The following FANCG variants were observed in gnomAD, a reference collection of about 807,000 sequenced individuals.
FANCG encodes the protein FA complementation group G, also known as Fanconi anemia group G protein.
FANCG carries 67 observed loss-of-function variants against 73.3 expected under a neutral mutation model. The ratio of observed to expected loss-of-function variants is 0.91; its 90% CI spans 0.75 to 1.12. The LOEUF is 1.12. Ranked by LOEUF, FANCG falls within the 50% of genes most tolerant of loss-of-function variation. The pLI, the probability that FANCG is intolerant of heterozygous loss-of-function variation, is 0.00. For missense variants in FANCG, 643 were observed against 735.6 expected (o/e 0.87, Z 1.46); for synonymous variants, 297 against 311.6 (o/e 0.95, Z 0.49).
chr9:35,075,880 CA>C, intron 9 of FANCG, 81 bp downstream of exon 9: 1 of 1,571,826 alleles, frequency 6.4e-7, no homozygotes, highest in Non-Finnish European at 8.8e-7. Context: ...GAGGAAAAAA[CA>C]AAAAATTGCA....
chr9:35,074,051 T>TC lies in FANCG; in HGVS notation c.*56dup. ...CTAATGATGGTGAAGCAGAAAGCCC[T>TC]CCCCACAGAGAGACAGCCCACTGGG... is the stretch of plus-strand genomic sequence containing the variant. On this transcript the variant is annotated 3_prime_UTR_variant, in exon 14 of 14. Coordinates refer to ENST00000378643, the MANE Select transcript of FANCG (RefSeq NM_004629.2). The TC allele has an allele frequency of 8.0e-7, 1 of 1,253,292 alleles. No homozygotes were observed. The highest frequency in any genetic ancestry group is 1.2e-5 in the South Asian group (1 of 83,782). 77.6% of individuals were successfully genotyped at this position (1,253,292 alleles called of 1,614,324 possible).
chr9:35,077,513 A>T, intron 4 of FANCG, 114 bp from the exon 5 acceptor site: 8 of 1,310,956 alleles, frequency 6.1e-6, no homozygotes, highest in African/African-American at 2.9e-5. Context: ...CCTTGAGGAC[A>T]CAGGCCTCAG....
rs1049102619 is a variant in FANCG at position 35,079,712 on chromosome 9, G to C, written c.-188C>G. 12 of 635,558 alleles carry C rather than the reference G, an allele frequency of 1.9e-5. No homozygotes were observed. In the African/African-American group the frequency reaches 2.2e-4, roughly 12 times the overall value. The allele number at this position is 635,558 out of a possible 1,614,324, so 39.4% of individuals were successfully genotyped here. On this transcript the variant is annotated 5_prime_UTR_variant, in exon 1 of 14. Transcript: ENST00000378643. Reference sequence around the variant, plus strand: ...GACAGATGGGACGCTCTCTCCCCGCGGCCCGCCGGGCTCTCAACCTCGCCT... The same window carrying C: ...GACAGATGGGACGCTCTCTCCCCGCCGCCCGCCGGGCTCTCAACCTCGCCT...
rs1482725470 is a variant in FANCG at position 35,073,948 on chromosome 9, T to A, written c.*160A>T. 2.9e-6 allele frequency: 2 copies of A among 694,400 alleles called. No individual in the cohort carries two copies. Among genetic ancestry groups the A allele is most frequent in the East Asian group, 5.4e-5 (2 of 36,948 alleles). 43.0% of individuals were successfully genotyped at this position (694,400 alleles called of 1,614,324 possible). On this transcript the variant is annotated 3_prime_UTR_variant, in exon 14 of 14. Coordinates refer to ENST00000378643, the MANE Select transcript of FANCG (RefSeq NM_004629.2). ...GAGATTGTTTCCTCCAAAACGAGAA[T>A]GGTAGTAACTAGGGCAAATTTCACA...
intron 8 of FANCG, 106 bp from the exon 9 acceptor site, chr9:35,076,134 G>T: frequency 8.3e-7 from 1 of 1,208,892 alleles, no homozygotes; most frequent in Non-Finnish European, 1.2e-6. Context: ...CATGGGCCCT[G>T]AGGAGGAGAA....
rs1177614244 is a variant in FANCG at position 35,078,616 on chromosome 9, C to T, written c.296G>A (p.Ser99Asn). The change falls in exon 3 of 14, where the codon AGC (serine) becomes AAC (asparagine). Residue 99 changes from serine (S) to asparagine (N), a missense_variant. Transcript: ENST00000378643. ...TEDQAQDIQR[S>N]LERVLETQEQ... ...TCTCTGGCCCTCACCTCTCTCTAGG[C>T]TCCGCTGGATATCCTGGGCCTGATC... 6.2e-7 allele frequency: 1 copy of T among 1,614,182 alleles called. No homozygotes were observed. Among genetic ancestry groups the T allele is most frequent in the Admixed American group, 1.7e-5 (1 of 60,022 alleles).
Position 35,079,643 on chromosome 9 carries a change from C to G in FANCG, c.-119G>C. 1 of 985,468 alleles carries G rather than the reference C, an allele frequency of 1.0e-6. No homozygotes were observed. Among genetic ancestry groups the G allele is most frequent in the Non-Finnish European group, 1.6e-6 (1 of 627,888 alleles). 61.0% of individuals were successfully genotyped at this position (985,468 alleles called of 1,614,324 possible). A position where few individuals can be genotyped will look rare whatever the true frequency, so the allele number is the denominator to read the frequency against. ...GCACTTCTGCACCCCGCCGAGCTCC[C>G]CTGCTTCTCTCGGGGTCCCAATCCA... On this transcript the variant is annotated 5_prime_UTR_variant, in exon 1 of 14. Coordinates refer to ENST00000378643, the MANE Select transcript of FANCG (RefSeq NM_004629.2).
chr9:35,076,270 T>C (rs1829081104), intron 8 of FANCG, 162 bp downstream of exon 8: 2 of 850,504 alleles, frequency 2.4e-6, no homozygotes, highest in Admixed American at 2.0e-5. Context: ...AGAAGAGTCC[T>C]CAGTTCAGGT....
At position 35,077,354 on chromosome 9, in the gene FANCG, G is replaced by A. The variant is rs753188279; in HGVS notation, c.556C>T (p.Pro186Ser). The change falls in exon 5 of 14, where the codon CCC becomes TCC. Residue 186 changes from proline to serine, a missense_variant. By Grantham distance (74) the Pro-to-Ser change is moderately conservative (BLOSUM62 -1). Coordinates refer to ENST00000378643, the MANE Select transcript of FANCG (RefSeq NM_004629.2). ...DLLLLLKTWS[P>S]PAEELDAPLT... ...GGAGCATCTAATTCCTCAGCTGGGGGACTCCAAGTTTTCAGAAGTAACAGC... is the reference window on the plus strand; with the variant it reads ...GGAGCATCTAATTCCTCAGCTGGGGAACTCCAAGTTTTCAGAAGTAACAGC... 7.4e-6 allele frequency: 12 copies of A among 1,614,016 alleles called. No individual in the cohort carries two copies. In the Admixed American group the frequency reaches 1.7e-4, roughly 22 times the overall value.
chr9:35,075,111 G>A lies in FANCG; in HGVS notation c.1481-29C>T, dbSNP rs370497978. ...GGGACCACTCCCAAAGTCAAGAAGT[G>A]TCTTCCCAGCCTCACAGTCACCAAA... On this transcript the variant is annotated intron_variant, in intron 11 of 13. Transcript: ENST00000378643. 5.6e-6 allele frequency: 9 copies of A among 1,613,128 alleles called. No homozygotes were observed. In the South Asian group the frequency reaches 8.8e-5, roughly 16 times the overall value.
At position 35,078,314 on chromosome 9, in the gene FANCG, TG is replaced by T. The variant is rs2131058595; in HGVS notation, c.336del (p.Arg113GlyfsTer39). ...RVLETQEQQG[P>X]RLEQGLRELW... ...AGCTCCCTGAGCCCCTGTTCCAACC[TG>T]GGCCCCTGCTGCTCCTGTGTCTCCA... is the stretch of plus-strand genomic sequence containing the variant. On this transcript the variant is annotated frameshift_variant, in exon 4 of 14. Transcript: ENST00000378643. LOFTEE classifies it high-confidence loss of function. 4.3e-6 allele frequency: 7 copies of T among 1,613,816 alleles called. No homozygotes were observed. The highest frequency in any genetic ancestry group is 5.9e-6 in the Non-Finnish European group (7 of 1,179,996).
Position 35,078,134 on chromosome 9 carries a change from C to T in FANCG, c.510+7G>A, listed in dbSNP as rs1304686615. 1.9e-6 allele frequency: 3 copies of T among 1,613,582 alleles called. No homozygotes were observed. The highest frequency in any genetic ancestry group is 3.3e-5 in the Admixed American group (2 of 60,008). ...GACCCTCAGCTTCAGGTCACTTTCCCTATTACCTGGCTGCCATTCAGGGTC... is the reference window on the plus strand; with the variant it reads ...GACCCTCAGCTTCAGGTCACTTTCCTTATTACCTGGCTGCCATTCAGGGTC... On this transcript the variant is annotated splice_region_variant and intron_variant, in intron 4 of 13. Coordinates refer to ENST00000378643, the MANE Select transcript of FANCG (RefSeq NM_004629.2).
chr9:35,073,960 G>C lies in FANCG; in HGVS notation c.*148C>G, dbSNP rs965879469. ...TCCAAAACGAGAATGGTAGTAACTA[G>C]GGCAAATTTCACAGGCCTACCACCA... On this transcript the variant is annotated 3_prime_UTR_variant, in exon 14 of 14. Transcript: ENST00000378643. 1.4e-6 allele frequency: 1 copy of C among 722,102 alleles called. No homozygotes were observed. Among genetic ancestry groups the C allele is most frequent in the South Asian group, 1.5e-5 (1 of 68,158 alleles). 44.7% of individuals were successfully genotyped at this position (722,102 alleles called of 1,614,324 possible).
rs774051315 is a variant in FANCG, at chr9:35,077,076, G to A, written c.672C>T (p.Asn224=). The stretch of plus-strand genomic sequence containing the variant: ...GAAGGCTGCTTAGTGCCTTGTCTGG[G>A]TTCCCTGTGATCAGCTCCTGGAGAC... ...RQGLQELITG[N]PDKALSSLHE... The change falls in exon 6 of 14, where the codon AAC becomes AAT. Residue 224 remains asparagine, a synonymous_variant. Coordinates refer to ENST00000378643, the MANE Select transcript of FANCG (RefSeq NM_004629.2). The A allele has an allele frequency of 1.1e-5, 17 of 1,614,236 alleles. No homozygotes were observed. The highest frequency in any genetic ancestry group is 1.2e-5 in the Non-Finnish European group (14 of 1,180,046).
At position 35,079,250 on chromosome 9, in the gene FANCG, T is replaced by C. The variant is rs1829140379; in HGVS notation, c.85-9A>G. On this transcript the variant is annotated splice_polypyrimidine_tract_variant and intron_variant, in intron 1 of 13. Transcript: ENST00000378643. ...CCGGAGTTCTGAGCCACCTGCCACA[T>C]GAGGGAGGGGTTGTCACTGAGGATC... 2 of 1,605,532 alleles carry C rather than the reference T, an allele frequency of 1.2e-6. No homozygotes were observed. Among genetic ancestry groups the C allele is most frequent in the Non-Finnish European group, 1.7e-6 (2 of 1,176,002 alleles).
At chr9:35,078,578 G>A (rs2131058948) in intron 3 of FANCG, 27 bp downstream of exon 3, 2 of 1,614,088 alleles carry the variant, frequency 1.2e-6, no homozygotes, top group South Asian at 2.2e-5. Flanking sequence ...GATGGCAGGG[G>A]AATCAGGGAC....
At position 35,075,273 on chromosome 9, in the gene FANCG, G is replaced by T. The variant is rs1829060906; in HGVS notation, c.1480+6C>A. On this transcript the variant is annotated splice_donor_region_variant and intron_variant, in intron 11 of 13. Transcript: ENST00000378643. ...AGGTAAGAGGAAAACTGAAAGTTTAGATCACCTTGTTCTTTTTCCTCAGGT... is the reference window on the plus strand; with the variant it reads ...AGGTAAGAGGAAAACTGAAAGTTTATATCACCTTGTTCTTTTTCCTCAGGT... 1.2e-6 allele frequency: 2 copies of T among 1,613,962 alleles called. No homozygotes were observed. Among genetic ancestry groups the T allele is most frequent in the East Asian group, 2.2e-5 (1 of 44,898 alleles).
intron 7 of FANCG, 50 bp from the exon 8 acceptor site, chr9:35,076,633 TC>T: frequency 6.2e-7 from 1 of 1,614,084 alleles, no homozygotes; most frequent in Middle Eastern, 1.6e-4. Context: ...GAGCCATACT[TC>T]CTTATACTTG....
rs889420744 is a variant in FANCG at position 35,074,410 on chromosome 9, A to G, written c.1721T>C (p.Leu574Pro). The change falls in exon 13 of 14, where the codon CTG (leucine) becomes CCG (proline). Residue 574 changes from leucine to proline, a missense_variant. Physicochemically the swap from Leu to Pro is moderately conservative, Grantham distance 98. Transcript: ENST00000378643. ...RDEATALWWR[L>P]EAQTKGSHED... is the part of the protein sequence containing the mutation. The stretch of plus-strand genomic sequence containing the variant: ...ATGTGACCCCTTAGTTTGGGCCTCC[A>G]GCCTCCACCAGAGTGCAGTGGCCTC... The G allele has an allele frequency of 6.2e-7, 1 of 1,614,064 alleles. No individual in the cohort carries two copies. The highest frequency in any genetic ancestry group is 1.3e-5 in the African/African-American group (1 of 74,930).
Sources: gnomAD v4.1 joint callset for allele counts on GRCh38, gnomAD v4.1.1 for gene constraint, MANE v1.5 for transcripts, NCBI Gene and HGNC (gene_info 2026-07-23, HGNC 2026-07-21) for gene names.